Variants in ZPBP observed in about 807,000 individuals in gnomAD.
ZPBP encodes zona pellucida-binding protein 1.
ZPBP carries 26 observed loss-of-function variants against 44.8 expected under a neutral mutation model. That is an observed-to-expected ratio of 0.58 (90% confidence interval 0.43 to 0.81). ZPBP has a LOEUF of 0.81. Among genes scored for constraint, ZPBP ranks in the 30% least tolerant of loss-of-function variants. The pLI is 0.00. For missense variants in ZPBP, 409 were observed against 434.0 expected, an observed-to-expected ratio of 0.94 and a Z score of 0.51; for synonymous variants, 174 against 153.2, an observed-to-expected ratio of 1.14 and a Z score of -1.00.
At chr7:49,874,332 A>G (rs1402881190) in intron 2 of ZPBP, among the ~76,000 whole-genome samples, 1 of 152,192 alleles carries the variant, frequency 6.6e-6, no homozygotes, top group Admixed American at 6.5e-5. Flanking sequence ...AATCTTTACC[A>G]TTGTGTAACA....
intron 2 of ZPBP, among the ~76,000 whole-genome samples, chr7:49,853,346 C>T (rs866665035): frequency 6.6e-6 from 1 of 152,184 alleles, no homozygotes; most frequent in East Asian, 1.9e-4. Flanking sequence ...CTCCCCAGGC[C>T]CAGGAAGTCA....
intron 2 of ZPBP, among the ~76,000 whole-genome samples, chr7:49,894,541 T>C (rs1204210705): frequency 6.6e-6 from 1 of 152,262 alleles, no homozygotes; most frequent in Non-Finnish European, 1.5e-5. Flanking sequence ...TATTTCAGTA[T>C]GCCAATTCAT....
intron 2 of ZPBP, among the ~76,000 whole-genome samples, chr7:49,865,958 T>G (rs1488118751): frequency 6.6e-6 from 1 of 152,244 alleles, no homozygotes; most frequent in Non-Finnish European, 1.5e-5. Context: ...CGGCACCATC[T>G]TAAATTGCTT....
chr7:50,011,830 T>G (rs1042985528), intron 6 of ZPBP, among the ~76,000 whole-genome samples: 1 of 151,950 alleles, frequency 6.6e-6, no homozygotes, highest in Non-Finnish European at 1.5e-5. Flanking sequence ...GGCGGGCGGA[T>G]CACAAGGTCA....
rs769850584 is a variant in ZPBP at position 49,937,622 on chromosome 7, A to T, written c.962T>A (p.Val321Glu). Residue 321 changes from valine to glutamate, a missense_variant and splice_region_variant, in exon 8 of 8, where the codon GTG becomes GAG. Around this residue, in one of 2 missense-constraint regions of ZPBP, gnomAD observed 42 missense variants for 71.0 expected, o/e 0.59. Coordinates refer to ENST00000046087, the MANE Select transcript of ZPBP (RefSeq NM_007009.3). ...GTTATATGATCCAGGGCTGCAGATC[A>T]CTGTGAAAAAAGAGTAAGTTAATAA... ...QQHPKCPECC[V>E]ICSPGSYNPR... 2.4e-5 allele frequency: 38 copies of T among 1,612,214 alleles called. No homozygotes were observed.
chr7:49,910,860 A>T (rs1793371352), intron 1 of ZPBP, among the ~76,000 whole-genome samples: 1 of 152,194 alleles, frequency 6.6e-6, no homozygotes, highest in Non-Finnish European at 1.5e-5. Context: ...CTGAGAACTT[A>T]TCAAAGCAAA....
intron 2 of ZPBP, among the ~76,000 whole-genome samples, chr7:49,894,362 G>C (rs1792276376): frequency 6.6e-6 from 1 of 152,088 alleles, no homozygotes; most frequent in Non-Finnish European, 1.5e-5. Flanking sequence ...TGAACACCTG[G>C]GCTCAAGCAG....
At position 50,061,350 on chromosome 7, in the gene ZPBP, A is replaced by ATT. The variant is rs1222289733; in HGVS notation, c.335-3210_335-3209insAA. 3.3e-5 allele frequency among the ~76,000 whole-genome samples: 5 copies of ATT among 152,302 alleles called. No individual in the cohort carries two copies. In the East Asian group the frequency reaches 9.7e-4, roughly 29 times the overall value. ...AGAAAGAAATAAAAGTCATCCAAAC[A>ATT]GGAAAAGAGGACTTCAAATTATCTG... is the stretch of plus-strand genomic sequence containing the variant. On this transcript the variant is annotated intron_variant, in intron 3 of 7. Transcript: ENST00000046087.
At chr7:49,904,534 T>C (rs1792974497) in intron 1 of ZPBP, among the ~76,000 whole-genome samples, 1 of 152,234 alleles carries the variant, frequency 6.6e-6, no homozygotes, top group South Asian at 2.1e-4. Flanking sequence ...TTAGGAATGC[T>C]GCTTATAGGA....
intron 1 of ZPBP, chr7:49,917,647 A>G (rs1357972336): frequency 6.6e-6 from 1 of 152,178 alleles, no homozygotes; most frequent in African/African-American, 2.4e-5. Context: ...TTAGTTTTTA[A>G]TTCAATTTTC....
intron 7 of ZPBP, among the ~76,000 whole-genome samples, chr7:49,982,868 G>C (rs1166255154): frequency 6.6e-6 from 1 of 151,848 alleles, no homozygotes; most frequent in African/African-American, 2.4e-5. Flanking sequence ...AAGAAAGAAT[G>C]AATGTCAGAG....
chr7:49,899,636 T>G (rs1792599862), intron 2 of ZPBP, among the ~76,000 whole-genome samples: 1 of 152,014 alleles, frequency 6.6e-6, no homozygotes, highest in Non-Finnish European at 1.5e-5. Context: ...AGGTCTTCAA[T>G]ATGCATTTGC....
intron 1 of ZPBP, among the ~76,000 whole-genome samples, chr7:49,905,546 AAG>A (rs777941508): frequency 3.9e-5 from 6 of 152,378 alleles, no homozygotes; most frequent in Admixed American, 1.3e-4. Flanking sequence ...TCATTTAAAA[AAG>A]AGTTTTATTT....
At chr7:50,059,988 C>A (rs544186293) in intron 3 of ZPBP, among the ~76,000 whole-genome samples, 2 of 151,912 alleles carry the variant, frequency 1.3e-5, no homozygotes. Context: ...TGAGAGTAGT[C>A]GGAGGGAGGA....
chr7:49,958,591 G>A (rs143467285), intron 7 of ZPBP, among the ~76,000 whole-genome samples: 11 of 152,134 alleles, frequency 7.2e-5, no homozygotes, highest in Admixed American at 5.2e-4. Context: ...CTCATCAGAC[G>A]CCAGACCCTT....
intron 2 of ZPBP, among the ~76,000 whole-genome samples, chr7:49,858,312 C>T (rs1790507151): frequency 6.6e-6 from 1 of 151,924 alleles, no homozygotes; most frequent in East Asian, 1.9e-4. Context: ...ACCCAAATGT[C>T]CAACAATGAT....
intron 2 of ZPBP, among the ~76,000 whole-genome samples, chr7:49,874,180 CCACA>C (rs139144140): frequency 1.3e-5 from 2 of 149,528 alleles, no homozygotes; most frequent in African/African-American, 4.9e-5. Context: ...ATGCACACAC[CCACA>C]CACACACACA....
downstream of ZPBP, among the ~76,000 whole-genome samples, chr7:49,933,811 CAA>C (rs1209301199): frequency 6.7e-6 from 1 of 149,544 alleles, no homozygotes; most frequent in Non-Finnish European, 1.5e-5. Flanking sequence ...GACAAAAAAC[CAA>C]ACACTGTATG....
chr7:49,851,719 G>A (rs576915470), intron 2 of ZPBP, among the ~76,000 whole-genome samples: 16 of 152,276 alleles, frequency 1.1e-4, no homozygotes, highest in South Asian at 4.1e-4. Flanking sequence ...TTAGCTGGGC[G>A]TGCTGGCACA....
Sources: allele counts gnomAD v4.1 joint callset (sites outside exome capture counted in the v4.1 genomes callset), GRCh38; gene constraint gnomAD v4.1.1; regional missense constraint gnomAD v4.1.1; transcripts MANE v1.5; gene names NCBI Gene and HGNC (gene_info 2026-07-23, HGNC 2026-07-21).